Variants in GSG1L observed in about 807,000 individuals in gnomAD.
The protein encoded by GSG1L is germ cell-specific gene 1-like protein.
GSG1L carries 24 observed loss-of-function variants against 42.1 expected under a neutral mutation model. The ratio of observed to expected loss-of-function variants is 0.57; its 90% CI spans 0.41 to 0.80. The LOEUF is 0.80. Among genes scored for constraint, GSG1L ranks in the 30% least tolerant of loss-of-function variants. GSG1L has a pLI of 0.00. For synonymous variants in GSG1L, 215 were observed against 203.5 expected (o/e 1.06, Z -0.48); for missense variants, 445 against 472.2 (o/e 0.94, Z 0.53).
At chr16:27,877,174 C>T (rs995225076) in intron 3 of GSG1L, among the ~76,000 whole-genome samples, 6 of 152,108 alleles carry the variant, frequency 3.9e-5, no homozygotes, top group African/African-American at 9.7e-5. Flanking sequence ...CAATACCTCT[C>T]GACCGAAGTC....
chr16:27,931,250 A>G (rs879065376), intron 2 of GSG1L, among the ~76,000 whole-genome samples: 2 of 152,220 alleles, frequency 1.3e-5, no homozygotes, highest in Non-Finnish European at 2.9e-5. Context: ...AATGCCTGGA[A>G]CAAAGTAGAG....
chr16:27,828,831 G>A lies in GSG1L; in HGVS notation c.788C>T (p.Pro263Leu), dbSNP rs149224734. The stretch of plus-strand genomic sequence containing the variant: ...GATGGCCTCAGGGTCTATGAAGGTC[G>A]GCTCTTCCCGGTAGCCCTGCTCAAA... Reference protein sequence around the residue: ...KVFEQGYREEPTFIDPEAIKY... With the variant: ...KVFEQGYREELTFIDPEAIKY... The change falls in exon 5 of 7, where the codon CCG becomes CTG. Residue 263 changes from proline (P) to leucine (L), a missense_variant. By Grantham distance (98) the Pro-to-Leu change is moderately conservative. Around this residue, in one of 3 missense-constraint regions of GSG1L, gnomAD observed 140 missense variants for 120.6 expected, o/e 1.16. Coordinates refer to ENST00000447459, the MANE Select transcript of GSG1L (RefSeq NM_001109763.2). 1,600 of 1,614,140 alleles carry A rather than the reference G, an allele frequency of 9.9e-4. 1 individual carries two copies. The highest frequency in any genetic ancestry group is 1.2e-3 in the Non-Finnish European group (1,405 of 1,180,014).
chr16:27,934,600 G>A (rs1386096438), intron 2 of GSG1L, among the ~76,000 whole-genome samples: 13 of 151,358 alleles, frequency 8.6e-5, no homozygotes, highest in African/African-American at 2.5e-4. Context: ...CCAAGGAAAG[G>A]AGAATACGGA....
rs1172361837 is a variant in GSG1L, at chr16:27,854,374, G to A, written c.551-9313C>T. On this transcript the variant is annotated intron_variant, in intron 3 of 6. Transcript: ENST00000447459. ...AGGAGGAGGAGGGGGAAGAATAGGA[G>A]GAGAGGGGGATGGTTGGCCCCAAGA... Among the ~76,000 whole-genome samples, 3 of 144,064 alleles carry A rather than the reference G, an allele frequency of 2.1e-5. No homozygotes were observed. The East Asian group carries it at 6.7e-4, about 32-fold the overall frequency. The allele number at this position is 144,064 out of a possible 152,430, so 94.5% of individuals were successfully genotyped here.
intron 1 of GSG1L, among the ~76,000 whole-genome samples, chr16:28,005,880 G>A (rs2085631666): frequency 6.6e-6 from 1 of 152,224 alleles, no homozygotes; most frequent in Non-Finnish European, 1.5e-5. Context: ...ATCTTTGGAA[G>A]CTGTAAATAT....
chr16:27,895,926 A>G (rs773920220), intron 2 of GSG1L, among the ~76,000 whole-genome samples: 6 of 152,144 alleles, frequency 3.9e-5, no homozygotes, highest in Non-Finnish European at 8.8e-5. Flanking sequence ...AGGCCTGGAG[A>G]TGACTGTTTT....
chr16:27,935,312 A>G (rs74015168), intron 2 of GSG1L, among the ~76,000 whole-genome samples: 5,036 of 144,374 alleles, frequency 0.035, 260 homozygotes, highest in African/African-American at 0.12. Flanking sequence ...AGCTAGTCCC[A>G]TCCTGATGGG....
intron 1 of GSG1L, among the ~76,000 whole-genome samples, chr16:27,985,739 A>C (rs1276446191): frequency 6.6e-6 from 1 of 152,082 alleles, no homozygotes; most frequent in Non-Finnish European, 1.5e-5. Context: ...AGGCTGAGGC[A>C]GGAGAATCGC....
chr16:27,983,298 G>A (rs1421815936), intron 1 of GSG1L, among the ~76,000 whole-genome samples: 1 of 152,064 alleles, frequency 6.6e-6, no homozygotes, highest in Non-Finnish European at 1.5e-5. Context: ...TCATGTCACT[G>A]CACTCCAGCC....
At chr16:28,047,669 A>T (rs771380046) in intron 1 of GSG1L, among the ~76,000 whole-genome samples, 7 of 152,226 alleles carry the variant, frequency 4.6e-5, no homozygotes, top group Admixed American at 2.0e-4. Context: ...ATATGAAAAA[A>T]ATAGGATGCA....
chr16:27,864,224 T>A (rs942454197), intron 3 of GSG1L, among the ~76,000 whole-genome samples: 3 of 152,198 alleles, frequency 2.0e-5, no homozygotes, highest in Non-Finnish European at 4.4e-5. Context: ...GGCAAGGAGA[T>A]GGAATGTTTT....
intron 2 of GSG1L, among the ~76,000 whole-genome samples, chr16:27,896,931 T>G (rs966865555): frequency 6.6e-6 from 1 of 151,046 alleles, no homozygotes; most frequent in Non-Finnish European, 1.5e-5. Flanking sequence ...TGGCACGATC[T>G]CAGCTCACTA....
chr16:28,016,732 C>G lies in GSG1L; in HGVS notation c.349+46344G>C, dbSNP rs78777264. On this transcript the variant is annotated intron_variant, in intron 1 of 6. Transcript: ENST00000447459. ...GAACTTACTGCATGTCGGCATTGTG[C>G]TAAATGACTTATTCACCCCCTCTCT... Among the ~76,000 whole-genome samples the G allele has an allele frequency of 1.4e-3, 211 of 152,314 alleles. 1 individual carries two copies. Among genetic ancestry groups the G allele is most frequent in the African/African-American group, 5.0e-3 (206 of 41,560 alleles).
chr16:27,801,023 C>T (rs2082875606), intron 6 of GSG1L, among the ~76,000 whole-genome samples: 1 of 152,076 alleles, frequency 6.6e-6, no homozygotes, highest in Admixed American at 6.5e-5. Flanking sequence ...AGGAAGCGGC[C>T]TTTCAGCTGA....
chr16:27,926,281 A>C (rs2084591339), intron 2 of GSG1L, among the ~76,000 whole-genome samples: 1 of 152,172 alleles, frequency 6.6e-6, no homozygotes, highest in Admixed American at 6.5e-5. Flanking sequence ...TGTGCCAGGC[A>C]CCAGGCTAGG....
At chr16:27,989,749 AAC>A (rs1555512673) in intron 1 of GSG1L, among the ~76,000 whole-genome samples, 1 of 151,638 alleles carries the variant, frequency 6.6e-6, no homozygotes, top group African/African-American at 2.4e-5. Flanking sequence ...AAAAAAAAAA[AAC>A]AACAAACAAT....
intron 2 of GSG1L, among the ~76,000 whole-genome samples, chr16:27,945,571 GAC>G (rs2084851790): frequency 6.6e-6 from 1 of 152,150 alleles, no homozygotes. Context: ...CCCGCCAAGA[GAC>G]AGAGGACTTT....
At chr16:28,039,703 C>T (rs1013623074) in intron 1 of GSG1L, among the ~76,000 whole-genome samples, 4 of 151,810 alleles carry the variant, frequency 2.6e-5, no homozygotes, top group Admixed American at 1.3e-4. Flanking sequence ...ACTACACATG[C>T]CTGTGCACAC....
chr16:27,803,788 T>TATATATATAG (rs1567460391), intron 6 of GSG1L, among the ~76,000 whole-genome samples: 2 of 63,652 alleles, frequency 3.1e-5, no homozygotes, highest in African/African-American at 1.2e-4. Context: ...TATATATATA[T>TATATATATAG]ATATATAGAT....
Sources: gnomAD v4.1 joint callset for allele counts (sites outside exome capture counted in the v4.1 genomes callset) on GRCh38, gnomAD v4.1.1 for gene constraint, gnomAD v4.1.1 regional missense constraint, MANE v1.5 for transcripts, NCBI Gene and HGNC (gene_info 2026-07-23, HGNC 2026-07-21) for gene names.